Variants in DPP6 observed in about 807,000 individuals in gnomAD.
The protein encoded by DPP6 is A-type potassium channel modulatory protein DPP6.
DPP6 carries 69 observed loss-of-function variants against 122.6 expected under a neutral mutation model. The ratio of observed to expected loss-of-function variants is 0.56; its 90% CI spans 0.46 to 0.69. The LOEUF (loss-of-function observed/expected upper bound fraction) is 0.69. Among genes scored for constraint, DPP6 ranks in the 30% least tolerant of loss-of-function variants. The probability of loss-of-function intolerance (pLI) is 0.00; values close to 1 mark genes in which losing one functional copy is unlikely to be tolerated. For synonymous variants in DPP6, 418 were observed against 433.1 expected (o/e 0.97, Z 0.43); for missense variants, 928 against 1,116.9 (o/e 0.83, Z 2.41).
At chr7:154,060,923 T>A (rs1801756207) in intron 1 of DPP6, among the ~76,000 whole-genome samples, 1 of 146,532 alleles carries the variant, frequency 6.8e-6, no homozygotes, top group Non-Finnish European at 1.5e-5. Flanking sequence ...CCAGACCCTC[T>A]TCCCCCACTG....
intron 1 of DPP6, among the ~76,000 whole-genome samples, chr7:154,063,073 G>T: frequency 7.6e-6 from 1 of 131,320 alleles, no homozygotes; most frequent in Non-Finnish European, 1.7e-5. Context: ...GGGACTGAGA[G>T]CTATCCCCTC....
chr7:154,063,549 G>C (rs1490748256), intron 1 of DPP6, among the ~76,000 whole-genome samples: 2 of 125,786 alleles, frequency 1.6e-5, no homozygotes, highest in African/African-American at 5.8e-5. Flanking sequence ...CGAGGGTGGG[G>C]ACTGAGAGCT....
At chr7:154,646,946 G>A (rs1273458984) in intron 6 of DPP6, among the ~76,000 whole-genome samples, 1 of 152,186 alleles carries the variant, frequency 6.6e-6, no homozygotes, top group East Asian at 1.9e-4. Context: ...TTCCCTCAGG[G>A]ACTTTCTTAG....
intron 1 of DPP6, among the ~76,000 whole-genome samples, chr7:154,193,021 A>G (rs984226221): frequency 6.6e-6 from 1 of 152,210 alleles, no homozygotes; most frequent in African/African-American, 2.4e-5. Flanking sequence ...TGCTTCCTGT[A>G]TACATGTAGA....
intron 1 of DPP6, among the ~76,000 whole-genome samples, chr7:154,072,023 G>T (rs547437555): frequency 2.8e-4 from 43 of 152,284 alleles, no homozygotes; most frequent in Admixed American, 8.5e-4. Flanking sequence ...AAAAAAACAG[G>T]GTGATGTGCT....
At chr7:154,045,209 A>AT (rs1453725330) in intron 1 of DPP6, among the ~76,000 whole-genome samples, 5 of 151,592 alleles carry the variant, frequency 3.3e-5, no homozygotes, top group Non-Finnish European at 5.9e-5. Flanking sequence ...GATAAAAAAA[A>AT]AAAAAACACT....
In DPP6 at chr7:154,857,229, G is replaced by A. The variant is rs1294647702; in HGVS notation, c.1714+3402G>A. Among the ~76,000 whole-genome samples the A allele has an allele frequency of 3.3e-5, 5 of 152,306 alleles. No homozygotes were observed. The East Asian group carries it at 9.6e-4, about 29-fold the overall frequency. ...TGATTGTCGTTCCCATCCCCAGGAG[G>A]ACAGTAGGGGTCCCATCTTGCTCAG... On this transcript the variant is annotated intron_variant, in intron 17 of 25. Transcript: ENST00000377770.
chr7:153,860,537 G>A, the DPP6 span, among the ~76,000 whole-genome samples: 73 of 152,214 alleles, frequency 4.8e-4, no homozygotes, highest in African/African-American at 1.7e-3. Context: ...GGGTTGCAGG[G>A]CCTGCTCTCC....
intron 1 of DPP6, among the ~76,000 whole-genome samples, chr7:154,154,943 C>G: frequency 6.6e-6 from 1 of 152,162 alleles, no homozygotes. Context: ...CACAGCTGCT[C>G]TCTCTGAACT....
intron 3 of DPP6, among the ~76,000 whole-genome samples, chr7:154,487,133 T>C (rs1046069697): frequency 6.6e-5 from 10 of 152,198 alleles, no homozygotes; most frequent in Non-Finnish European, 1.0e-4. Flanking sequence ...CAGGCTCTTC[T>C]TTTTTTGTTT....
At chr7:154,437,795 A>T (rs1413547609) in intron 1 of DPP6, among the ~76,000 whole-genome samples, 1 of 152,028 alleles carries the variant, frequency 6.6e-6, no homozygotes, top group Non-Finnish European at 1.5e-5. Context: ...AATTAGCTGG[A>T]CACGGTGGTG....
chr7:154,131,993 C>T (rs1050762637), intron 1 of DPP6, among the ~76,000 whole-genome samples: 10 of 152,104 alleles, frequency 6.6e-5, no homozygotes, highest in African/African-American at 1.2e-4. Flanking sequence ...ATAAATAAAA[C>T]GATATTTTTG....
intron 1 of DPP6, among the ~76,000 whole-genome samples, chr7:154,209,745 A>G (rs946234440): frequency 3.9e-5 from 6 of 152,308 alleles, no homozygotes; most frequent in Admixed American, 2.6e-4. Flanking sequence ...AAGCCAGGTC[A>G]GGAATCCACA....
At chr7:154,151,115 C>A (rs1290662444) in intron 1 of DPP6, among the ~76,000 whole-genome samples, 1 of 152,354 alleles carries the variant, frequency 6.6e-6, no homozygotes, top group Non-Finnish European at 1.5e-5. Context: ...GATGGCCTCC[C>A]CAGTGCTTCC....
At chr7:153,787,461 T>C in the DPP6 span, among the ~76,000 whole-genome samples, 1 of 140,446 alleles carries the variant, frequency 7.1e-6, no homozygotes, top group East Asian at 2.0e-4. Flanking sequence ...TACATTAACA[T>C]GTAAAAATCC....
intron 1 of DPP6, among the ~76,000 whole-genome samples, chr7:154,372,769 T>G (rs2151123545): frequency 6.6e-6 from 1 of 152,324 alleles, no homozygotes; most frequent in Admixed American, 6.5e-5. Flanking sequence ...GTGCAGGTTC[T>G]GCTCTGTGAG....
intron 1 of DPP6, among the ~76,000 whole-genome samples, chr7:154,121,627 C>T (rs1179366283): frequency 6.6e-6 from 1 of 152,124 alleles, no homozygotes; most frequent in Non-Finnish European, 1.5e-5. Flanking sequence ...CTGTTGTGAT[C>T]AGAAAAAGAC....
intron 1 of DPP6, among the ~76,000 whole-genome samples, chr7:154,183,550 C>G (rs1563289105): frequency 6.6e-6 from 1 of 152,148 alleles, no homozygotes; most frequent in African/African-American, 2.4e-5. Flanking sequence ...CAAAATGCTG[C>G]GCAGAGAGCC....
At chr7:154,433,878 A>G (rs991924440) in intron 1 of DPP6, among the ~76,000 whole-genome samples, 1 of 152,144 alleles carries the variant, frequency 6.6e-6, no homozygotes, top group African/African-American at 2.4e-5. Context: ...TTAGGCCTAC[A>G]CGTTCTTTTC....
Sources: allele counts gnomAD v4.1 joint callset (sites outside exome capture counted in the v4.1 genomes callset), GRCh38; gene constraint gnomAD v4.1.1; transcripts MANE v1.5; gene names NCBI Gene and HGNC (gene_info 2026-07-23, HGNC 2026-07-21).